Variants in ATXN2 observed in about 807,000 individuals in gnomAD.
ATXN2 encodes the protein ataxin 2, also known as ataxin-2.
Under a neutral mutation model 138.6 loss-of-function variants are expected in ATXN2, and 37 were observed. That is an observed-to-expected ratio of 0.27 (90% confidence interval 0.21 to 0.35). The LOEUF is 0.35. ATXN2 is among the 10% of genes least tolerant of loss of function. The probability of loss-of-function intolerance (pLI) is 1.00; values close to 1 mark genes in which losing one functional copy is unlikely to be tolerated. For missense variants in ATXN2, 1,216 were observed against 1,480.3 expected, an observed-to-expected ratio of 0.82 and a Z score of 2.93; for synonymous variants, 549 against 543.7, an observed-to-expected ratio of 1.01 and a Z score of -0.13.
In ATXN2 at chr12:111,456,406, T is replaced by G. The variant is rs112609183; in HGVS notation, c.3043-150A>C. On this transcript the variant is annotated intron_variant, in intron 22 of 24. Coordinates refer to ENST00000673436, the MANE Select transcript of ATXN2 (RefSeq NM_001372574.1). The stretch of plus-strand genomic sequence containing the variant: ...ATGTACAGGGTGGTAAGAGCAAGGC[T>G]GGAGGTGCCTCCCATCTGGACAACT... The G allele has an allele frequency of 6.2e-3, 4,686 of 761,314 alleles. 144 individuals carry two copies. In the African/African-American group the frequency reaches 0.075, roughly 12 times the overall value. The allele number at this position is 761,314 out of a possible 1,614,324, so 47.2% of individuals were successfully genotyped here.
chr12:111,581,961 A>C (rs1646546497), intron 1 of ATXN2, among the ~76,000 whole-genome samples: 1 of 152,060 alleles, frequency 6.6e-6, no homozygotes, highest in Admixed American at 6.6e-5. Flanking sequence ...AAAAAAAAAA[A>C]AACACCAGAG....
At chr12:111,493,323 G>A (rs1878166269) in intron 14 of ATXN2, among the ~76,000 whole-genome samples, 1 of 149,612 alleles carries the variant, frequency 6.7e-6, no homozygotes, top group Non-Finnish European at 1.5e-5. Flanking sequence ...GGGAGGCTGA[G>A]GCAGAAGAAT....
chr12:111,520,917 T>C lies in ATXN2; in HGVS notation c.753A>G (p.Val251=), dbSNP rs756708841. Residue 251 remains valine (V), a synonymous_variant, in exon 7 of 25, where the codon GTA becomes GTG. Coordinates refer to ENST00000673436, the MANE Select transcript of ATXN2 (RefSeq NM_001372574.1). ...MFRYNEENYG[V]VSTYDSSLSS... ...ATAAACTGCTATCATACGTAGACAC[T>C]ACACCATAATTTTCTTCATTATATC... The C allele has an allele frequency of 1.3e-5, 21 of 1,599,988 alleles. No individual in the cohort carries two copies. In the South Asian group the frequency reaches 2.1e-4, roughly 16 times the overall value.
chr12:111,552,909 C>G lies in ATXN2; in HGVS notation c.417G>C (p.Pro139=). Reference sequence around the variant, plus strand: ...AAAGAAAAAAAGTAAAAATTACCTTCGGACTGTAAGTTTTAAAAACTCCTT... The same window carrying G: ...AAAGAAAAAAAGTAAAAATTACCTTGGGACTGTAAGTTTTAAAAACTCCTT... ...IYEGVFKTYS[P]KCDLVLDAAH... Residue 139 remains proline (P), a synonymous_variant, in exon 4 of 25, where the codon CCG becomes CCC. Transcript: ENST00000673436. This position sits in a 1 kb window ranked among gnomAD's most constrained non-coding sequence, Gnocchi z 4.1. 1 of 1,542,918 alleles carries G rather than the reference C, an allele frequency of 6.5e-7. No individual in the cohort carries two copies. The highest frequency in any genetic ancestry group is 1.3e-5 in the South Asian group (1 of 79,618).
At chr12:111,529,634 TAAAGA>T (rs2135753008) in intron 5 of ATXN2, among the ~76,000 whole-genome samples, 1 of 152,232 alleles carries the variant, frequency 6.6e-6, no homozygotes, top group East Asian at 1.9e-4. Flanking sequence ...CTGGTGGTCA[TAAAGA>T]AATGTCTCGA....
intron 5 of ATXN2, among the ~76,000 whole-genome samples, chr12:111,535,473 T>C (rs558822571): frequency 3.3e-5 from 5 of 151,436 alleles, no homozygotes; most frequent in African/African-American, 1.2e-4. Context: ...AATACAAAAG[T>C]TAGCAGGGCA....
rs982294400 is a variant in ATXN2 at position 111,552,217 on chromosome 12, T to C, written c.571+63A>G. ...TTAAAAAAAGTTTGTAAGATCACTG[T>C]GAAAATCTTTGCTTGAATAAATCTA... On this transcript the variant is annotated intron_variant, in intron 5 of 24. Transcript: ENST00000673436. The surrounding 1 kb of genome is among the most constrained non-coding windows in gnomAD (Gnocchi z 4.1). The C allele has an allele frequency of 1.3e-6, 2 of 1,485,750 alleles. No homozygotes were observed. Among genetic ancestry groups the C allele is most frequent in the African/African-American group, 1.4e-5 (1 of 68,968 alleles). The allele number at this position is 1,485,750 out of a possible 1,614,324, so 92.0% of individuals were successfully genotyped here.
intron 21 of ATXN2, among the ~76,000 whole-genome samples, chr12:111,459,715 C>T (rs1364441971): frequency 6.6e-6 from 1 of 151,410 alleles, no homozygotes; most frequent in Non-Finnish European, 1.5e-5. Flanking sequence ...GCTGGGATTA[C>T]AGGCATGAGC....
chr12:111,530,554 C>T (rs997985179), intron 5 of ATXN2, among the ~76,000 whole-genome samples: 6 of 152,202 alleles, frequency 3.9e-5, no homozygotes, highest in Non-Finnish European at 7.3e-5. Context: ...GTGGCTCACG[C>T]CTGTAATCTC....
chr12:111,594,687 T>G (rs533065385), intron 1 of ATXN2, among the ~76,000 whole-genome samples: 1 of 152,088 alleles, frequency 6.6e-6, no homozygotes, highest in Non-Finnish European at 1.5e-5. Context: ...GGGAAGGGAA[T>G]GTAGAAGAAG....
intron 1 of ATXN2, among the ~76,000 whole-genome samples, chr12:111,556,319 T>C (rs1399299878): frequency 1.3e-5 from 2 of 152,108 alleles, no homozygotes; most frequent in African/African-American, 4.8e-5. Context: ...GAGGCTGCAG[T>C]AGGCTACGAT....
chr12:111,527,403 G>A (rs1244968057), intron 5 of ATXN2, among the ~76,000 whole-genome samples: 1 of 152,148 alleles, frequency 6.6e-6, no homozygotes, highest in Non-Finnish European at 1.5e-5. Flanking sequence ...TTTTTTATTT[G>A]GCAATGCTTC....
intron 18 of ATXN2, among the ~76,000 whole-genome samples, chr12:111,474,373 T>C (rs544019562): frequency 4.0e-5 from 6 of 149,836 alleles, no homozygotes; most frequent in South Asian, 2.1e-4. Context: ...CTGGGCAAGA[T>C]AGAAAGATGG....
chr12:111,557,502 A>G (rs983790597), intron 1 of ATXN2, among the ~76,000 whole-genome samples: 1 of 152,184 alleles, frequency 6.6e-6, no homozygotes, highest in Non-Finnish European at 1.5e-5. Context: ...TCTTTTATAG[A>G]TCTTACTACA....
chr12:111,568,813 T>G (rs1326163388), intron 1 of ATXN2, among the ~76,000 whole-genome samples: 1 of 152,234 alleles, frequency 6.6e-6, no homozygotes, highest in African/African-American at 2.4e-5. Context: ...TAAGGTTAAC[T>G]CACTTAGGTG....
At chr12:111,513,891 T>C (rs1879700863) in intron 10 of ATXN2, among the ~76,000 whole-genome samples, 1 of 152,122 alleles carries the variant, frequency 6.6e-6, no homozygotes, top group African/African-American at 2.4e-5. Context: ...TAAAGAAATA[T>C]GTTACTAGAA....
chr12:111,544,310 G>A (rs1206912855), intron 5 of ATXN2, among the ~76,000 whole-genome samples: 2 of 152,078 alleles, frequency 1.3e-5, no homozygotes, highest in South Asian at 2.1e-4. Context: ...ATATATGTAA[G>A]ACCACTTACA....
At chr12:111,539,307 G>A (rs1213553027) in intron 5 of ATXN2, among the ~76,000 whole-genome samples, 1 of 149,806 alleles carries the variant, frequency 6.7e-6, no homozygotes, top group Non-Finnish European at 1.5e-5. Flanking sequence ...AACATAGTGG[G>A]ACCTCGTCTC....
intron 9 of ATXN2, among the ~76,000 whole-genome samples, chr12:111,517,941 A>C (rs976271596): frequency 6.6e-6 from 1 of 152,150 alleles, no homozygotes; most frequent in Non-Finnish European, 1.5e-5. Flanking sequence ...GAACCTACCC[A>C]AAGTTTCCAA....
Sources: allele counts gnomAD v4.1 joint callset (sites outside exome capture counted in the v4.1 genomes callset), GRCh38; gene constraint gnomAD v4.1.1; non-coding constraint Gnocchi (gnomAD v3.1); transcripts MANE v1.5; gene names NCBI Gene and HGNC (gene_info 2026-07-23, HGNC 2026-07-21).